Variants in RBBP6 observed in about 807,000 individuals in gnomAD.
The protein encoded by RBBP6 is RB binding protein 6, ubiquitin ligase.
A neutral mutation model predicts 167.7 loss-of-function variants in RBBP6; 25 were observed. That is an observed-to-expected ratio of 0.15 (90% CI 0.11 to 0.21). The LOEUF (loss-of-function observed/expected upper bound fraction) is 0.21, where lower values mean the gene tolerates loss of function less well. Ranked by LOEUF, RBBP6 falls within the 10% of genes least tolerant of loss-of-function variation. The probability of loss-of-function intolerance (pLI) is 1.00; values close to 1 mark genes in which losing one functional copy is unlikely to be tolerated. For synonymous variants in RBBP6, 789 were observed against 735.8 expected (o/e 1.07, Z -1.17); for missense variants, 1,868 against 2,134.2 (o/e 0.88, Z 2.46).
At position 24,571,517 on chromosome 16, in the gene RBBP6, G is replaced by A; in HGVS notation, c.4451G>A (p.Ser1484Asn). ...GACTATGACACCAGAGAGTATTCAA[G>A]TTCCAAACGTAGAGATGAAAAGAAT... ...KTDYDTREYS[S>N]SKRRDEKNEL... The change falls in exon 18 of 18, where the codon AGT becomes AAT. Residue 1484 changes from serine (S) to asparagine (N), a missense_variant. Ser to Asn is a conservative substitution (Grantham distance 46, BLOSUM62 1). This residue lies in a region of RBBP6 where 591 missense variants were observed against 540.5 expected (regional missense o/e 1.09). Coordinates refer to ENST00000319715, the MANE Select transcript of RBBP6 (RefSeq NM_006910.5). The A allele has an allele frequency of 6.2e-7, 1 of 1,613,466 alleles. No homozygotes were observed.
chr16:24,553,784 T>C (rs1464678008), intron 4 of RBBP6: 5 of 317,426 alleles, frequency 1.6e-5, no homozygotes, highest in Non-Finnish European at 2.3e-5. Flanking sequence ...GAAGAAACAC[T>C]TGAAGCTACA....
chr16:24,572,781 C>A lies in RBBP6; in HGVS notation c.*336C>A, dbSNP rs1288637493. The A allele has an allele frequency of 5.0e-6, 1 of 198,440 alleles. No homozygotes were observed. The highest frequency in any genetic ancestry group is 2.4e-5 in the African/African-American group (1 of 42,552). The allele number at this position is 198,440 out of a possible 1,614,324, so 12.3% of individuals were successfully genotyped here. ...AAAGCTGATATAAGTTCTAAAATAT[C>A]AGCAGAATGATTTGCTGAATTCATT... On this transcript the variant is annotated 3_prime_UTR_variant, in exon 18 of 18. Transcript: ENST00000319715.
intron 2 of RBBP6, among the ~76,000 whole-genome samples, chr16:24,547,441 GTATA>G (rs896572549): frequency 6.6e-6 from 1 of 151,486 alleles, no homozygotes; most frequent in Admixed American, 6.6e-5. Flanking sequence ...ATATATGTGT[GTATA>G]TATATATATT....
chr16:24,545,663 A>G (rs1898626795), intron 1 of RBBP6, among the ~76,000 whole-genome samples: 1 of 152,214 alleles, frequency 6.6e-6, no homozygotes, highest in Admixed American at 6.5e-5. Context: ...CTTGGAATCA[A>G]CATTCTATCT....
Position 24,561,726 on chromosome 16 carries a change from G to A in RBBP6, c.951+11G>A. 1 of 1,611,198 alleles carries A rather than the reference G, an allele frequency of 6.2e-7. No individual in the cohort carries two copies. On this transcript the variant is annotated intron_variant, in intron 9 of 17. Transcript: ENST00000319715. ...AAATTTTTACGACAGGTAACTGTCT[G>A]TATCCATTTTATGAAAAAATTCTTT...
Position 24,570,253 on chromosome 16 carries a change from C to A in RBBP6, c.3563C>A (p.Thr1188Asn). 2 of 1,612,596 alleles carry A rather than the reference C, an allele frequency of 1.2e-6. No individual in the cohort carries two copies. The highest frequency in any genetic ancestry group is 1.7e-6 in the Non-Finnish European group (2 of 1,179,722). The change falls in exon 17 of 18, where the codon ACT (threonine) becomes AAT (asparagine). Residue 1188 changes from threonine (T) to asparagine (N), a missense_variant. By Grantham distance (65) the Thr-to-Asn change is moderately conservative (BLOSUM62 0). Coordinates refer to ENST00000319715, the MANE Select transcript of RBBP6 (RefSeq NM_006910.5). ...PSPKRKMEPD[T>N]EKMDRTPEKD... Reference sequence around the variant, plus strand: ...CCAAAGCGCAAAATGGAACCTGATACTGAAAAAATGGATAGGACCCCTGAA... The same window carrying A: ...CCAAAGCGCAAAATGGAACCTGATAATGAAAAAATGGATAGGACCCCTGAA...
At chr16:24,565,194 GTTTAA>G (rs1421401137) in intron 14 of RBBP6, among the ~76,000 whole-genome samples, 1 of 152,138 alleles carries the variant, frequency 6.6e-6, no homozygotes, top group Non-Finnish European at 1.5e-5. Flanking sequence ...TAAGATACCA[GTTTAA>G]TTTAAGATTA....
chr16:24,567,589 G>A, intron 15 of RBBP6, 84 bp downstream of exon 15: 1 of 1,440,448 alleles, frequency 6.9e-7, no homozygotes, highest in Non-Finnish European at 9.3e-7. Flanking sequence ...ACGTTTTCCA[G>A]TGTTTCCAGT....
chr16:24,542,005 G>A (rs1898511558), intron 1 of RBBP6, among the ~76,000 whole-genome samples: 1 of 152,206 alleles, frequency 6.6e-6, no homozygotes, highest in South Asian at 2.1e-4. Flanking sequence ...TTAAGGAACA[G>A]CAGTGCTGGC....
intron 3 of RBBP6, 163 bp downstream of exon 3, chr16:24,549,144 G>A: frequency 1.4e-6 from 2 of 1,462,578 alleles, no homozygotes; most frequent in East Asian, 5.0e-5. Flanking sequence ...GATAATATGT[G>A]GCATCACTTG....
At position 24,562,068 on chromosome 16, in the gene RBBP6, C is replaced by T. The variant is rs773558622; in HGVS notation, c.1196C>T (p.Ser399Phe). The T allele has an allele frequency of 1.5e-5, 24 of 1,613,354 alleles. No homozygotes were observed. The African/African-American group carries it at 2.0e-4, about 13-fold the overall frequency. Residue 399 changes from serine to phenylalanine, a missense_variant, in exon 10 of 18, where the codon TCT becomes TTT. Physicochemically the swap from Ser to Phe is radical, Grantham distance 155 (BLOSUM62 -2). Around this residue, in one of 7 missense-constraint regions of RBBP6, gnomAD observed 245 missense variants for 240.1 expected, o/e 1.02. Transcript: ENST00000319715. ...CAGTCTTCCTTGGCCCCTCCTGTGT[C>T]TGGAAATCCGTCTTCTGCTCCAGCT... ...SNQSSLAPPVSGNPSSAPAPV... is the reference protein window; with the variant it reads ...SNQSSLAPPVFGNPSSAPAPV...
chr16:24,558,934 G>C (rs1375507236), intron 7 of RBBP6, among the ~76,000 whole-genome samples: 1 of 152,092 alleles, frequency 6.6e-6, no homozygotes, highest in African/African-American at 2.4e-5. Context: ...TTAATTATTT[G>C]TGTGGTAATG....
rs937523742 is a variant in RBBP6, at chr16:24,539,615, C to G, written c.-1012C>G. On this transcript the variant is annotated 5_prime_UTR_variant, in exon 1 of 18. Transcript: ENST00000319715. ...AGGCCGCGTCCGCCATAGTACCTGGCTTGGAGGTGTCGCCGCCGCTCGGTG... is the reference window on the plus strand; with the variant it reads ...AGGCCGCGTCCGCCATAGTACCTGGGTTGGAGGTGTCGCCGCCGCTCGGTG... 1.1e-4 allele frequency: 16 copies of G among 152,180 alleles called. No homozygotes were observed. Among genetic ancestry groups the G allele is most frequent in the African/African-American group, 3.4e-4 (14 of 41,440 alleles). 9.4% of individuals were successfully genotyped at this position (152,180 alleles called of 1,614,324 possible).
At position 24,540,704 on chromosome 16, in the gene RBBP6, C is replaced by T. The variant is rs1157402107; in HGVS notation, c.78C>T (p.Leu26=). The change falls in exon 1 of 18, where the codon CTC becomes CTT. Residue 26 remains leucine, a synonymous_variant. Coordinates refer to ENST00000319715, the MANE Select transcript of RBBP6 (RefSeq NM_006910.5). ...TVTFDGLHIS[L]CDLKKQIMGR... ...CCTTTGATGGGCTCCACATCTCCCT[C>T]TGCGACTTAAAGAAGCAGATTATGG... 1.2e-6 allele frequency: 2 copies of T among 1,614,190 alleles called. No homozygotes were observed. The highest frequency in any genetic ancestry group is 1.3e-5 in the African/African-American group (1 of 75,044).
rs1404339723 is a variant in RBBP6 at position 24,540,729 on chromosome 16, G to C, written c.103G>C (p.Gly35Arg). Residue 35 changes from glycine to arginine, a missense_variant, in exon 1 of 18, where the codon GGG becomes CGG. Physicochemically the swap from Gly to Arg is moderately radical, Grantham distance 125 (BLOSUM62 -2). This residue lies in a region of RBBP6 where 184 missense variants were observed against 327.7 expected (regional missense o/e 0.56). Transcript: ENST00000319715. ...CTGCGACTTAAAGAAGCAGATTATG[G>C]GGAGAGAGAAGCTGAAAGCTGCCGA... is the stretch of plus-strand genomic sequence containing the variant. ...SLCDLKKQIM[G>R]REKLKAADCD... 6.2e-7 allele frequency: 1 copy of C among 1,614,102 alleles called. No individual in the cohort carries two copies. The highest frequency in any genetic ancestry group is 1.7e-5 in the Admixed American group (1 of 60,014).
chr16:24,543,273 A>G (rs1191243655), intron 1 of RBBP6, among the ~76,000 whole-genome samples: 2 of 149,228 alleles, frequency 1.3e-5, no homozygotes, highest in East Asian at 3.9e-4. Flanking sequence ...AATTATGTGC[A>G]TGTTTAGGTC....
chr16:24,570,516 G>T lies in RBBP6; in HGVS notation c.3809+17G>T. ...TTACACCAGGTAGCTGAGTGTAGGGGGTGGGTGTGGAACTTTGTTGGGAGA... is the reference window on the plus strand; with the variant it reads ...TTACACCAGGTAGCTGAGTGTAGGGTGTGGGTGTGGAACTTTGTTGGGAGA... On this transcript the variant is annotated intron_variant, in intron 17 of 17. Transcript: ENST00000319715. 6.5e-7 allele frequency: 1 copy of T among 1,539,938 alleles called. No individual in the cohort carries two copies. Among genetic ancestry groups the T allele is most frequent in the South Asian group, 1.3e-5 (1 of 78,348 alleles).
intron 10 of RBBP6, 114 bp from the exon 11 acceptor site, chr16:24,563,085 C>G: frequency 1.4e-6 from 1 of 734,072 alleles, no homozygotes; most frequent in Non-Finnish European, 2.2e-6. Flanking sequence ...TATTCATCAT[C>G]TTTGACTTAA....
chr16:24,556,056 A>C, intron 6 of RBBP6, 139 bp downstream of exon 6: 2 of 901,856 alleles, frequency 2.2e-6, no homozygotes, highest in South Asian at 3.5e-5. Flanking sequence ...CAAATTTGCC[A>C]GGCTTCAAAT....
Sources: gnomAD v4.1 joint callset for allele counts (sites outside exome capture counted in the v4.1 genomes callset) on GRCh38, gnomAD v4.1.1 for gene constraint, gnomAD v4.1.1 regional missense constraint, MANE v1.5 for transcripts, NCBI Gene and HGNC (gene_info 2026-07-23, HGNC 2026-07-21) for gene names.